Variants in CHST8 observed in about 807,000 individuals in gnomAD.
CHST8 encodes the protein carbohydrate sulfotransferase 8.
CHST8 carries 10 observed loss-of-function variants against 15.0 expected under a neutral mutation model. The ratio of observed to expected loss-of-function variants is 0.67; its 90% CI spans 0.41 to 1.13. The LOEUF (loss-of-function observed/expected upper bound fraction) is 1.13, where lower values mean the gene tolerates loss of function less well. CHST8 is among the 50% of genes most tolerant of loss of function. The probability of loss-of-function intolerance (pLI) is 0.00; values close to 1 mark genes in which losing one functional copy is unlikely to be tolerated. For synonymous variants in CHST8, 259 were observed against 256.6 expected (o/e 1.01, Z -0.09); for missense variants, 634 against 608.2 (o/e 1.04, Z -0.45).
In CHST8 at chr19:33,739,265, C is replaced by G. The variant is rs374872496; in HGVS notation, c.131-32148C>G. On this transcript the variant is annotated intron_variant, in intron 3 of 4. Coordinates refer to ENST00000650847, the MANE Select transcript of CHST8 (RefSeq NM_001127895.2). ...ATCATCCTCCGTTGACCTCTCTCCCCCCTCCTCCACAAGATGAAGTGTTAA... is the reference window on the plus strand; with the variant it reads ...ATCATCCTCCGTTGACCTCTCTCCCGCCTCCTCCACAAGATGAAGTGTTAA... Among the ~76,000 whole-genome samples, 10 of 152,254 alleles carry G rather than the reference C, an allele frequency of 6.6e-5. No homozygotes were observed. In the East Asian group the frequency reaches 1.7e-3, roughly 27 times the overall value.
At chr19:33,700,212 G>A (rs538307728) in intron 3 of CHST8, among the ~76,000 whole-genome samples, 2 of 152,318 alleles carry the variant, frequency 1.3e-5, no homozygotes, top group Non-Finnish European at 2.9e-5. Flanking sequence ...ATTTTCTAAC[G>A]GCATTGCGGA....
intron 3 of CHST8, among the ~76,000 whole-genome samples, chr19:33,764,497 C>G (rs935387911): frequency 1.3e-5 from 2 of 152,140 alleles, no homozygotes; most frequent in African/African-American, 4.8e-5. Flanking sequence ...AAGACTTTGT[C>G]TCTTCAAACA....
At chr19:33,635,416 C>T (rs771164914) in intron 1 of CHST8, among the ~76,000 whole-genome samples, 6 of 152,092 alleles carry the variant, frequency 3.9e-5, no homozygotes, top group Non-Finnish European at 7.4e-5. Context: ...GAGGCAGTTT[C>T]GTATACACAA....
chr19:33,623,413 G>C (rs763234349), intron 1 of CHST8, among the ~76,000 whole-genome samples: 8 of 152,212 alleles, frequency 5.3e-5, no homozygotes, highest in Non-Finnish European at 8.8e-5. Context: ...TGCTTGGCGC[G>C]ATCTGGCGCA....
In CHST8 at chr19:33,717,259, G is replaced by A. The variant is rs547070350; in HGVS notation, c.130+27868G>A. Reference sequence around the variant, plus strand: ...GCAGATCACCTGAGGTTGGGAGTTCGAGACCAGCCTGACCAATATGGTGAG... The same window carrying A: ...GCAGATCACCTGAGGTTGGGAGTTCAAGACCAGCCTGACCAATATGGTGAG... On this transcript the variant is annotated intron_variant, in intron 3 of 4. Coordinates refer to ENST00000650847, the MANE Select transcript of CHST8 (RefSeq NM_001127895.2). Among the ~76,000 whole-genome samples, 26 of 152,276 alleles carry A rather than the reference G, an allele frequency of 1.7e-4. 1 individual carries two copies. In the South Asian group the frequency reaches 4.6e-3, roughly 27 times the overall value.
At chr19:33,627,167 C>A (rs1283145367) in intron 1 of CHST8, among the ~76,000 whole-genome samples, 4 of 148,884 alleles carry the variant, frequency 2.7e-5, no homozygotes, top group African/African-American at 9.9e-5. Flanking sequence ...GTGGTGTGAT[C>A]TCGGCTCACT....
At chr19:33,765,254 G>A (rs1434066066) in intron 3 of CHST8, among the ~76,000 whole-genome samples, 2 of 151,984 alleles carry the variant, frequency 1.3e-5, no homozygotes, top group African/African-American at 2.4e-5. Flanking sequence ...CTGGGCTGTC[G>A]AAAGCTGGAA....
chr19:33,635,694 C>T (rs1430653802), intron 1 of CHST8, among the ~76,000 whole-genome samples: 1 of 152,092 alleles, frequency 6.6e-6, no homozygotes. Context: ...GCTTAGTTCC[C>T]CGGAGATACT....
intron 3 of CHST8, among the ~76,000 whole-genome samples, chr19:33,713,004 C>T (rs1973589301): frequency 6.6e-6 from 1 of 152,070 alleles, no homozygotes; most frequent in African/African-American, 2.4e-5. Context: ...ACCCATGTGG[C>T]CCTCGCCCCA....
At chr19:33,757,476 A>AAG (rs1974594968) in intron 3 of CHST8, among the ~76,000 whole-genome samples, 3 of 43,882 alleles carry the variant, frequency 6.8e-5, no homozygotes, top group Admixed American at 2.3e-4. Flanking sequence ...GAAAGAAAGA[A>AAG]AGAAAGAAAG....
intron 3 of CHST8, among the ~76,000 whole-genome samples, chr19:33,725,662 C>T (rs543995282): frequency 2.0e-5 from 3 of 152,360 alleles, no homozygotes; most frequent in South Asian, 2.1e-4. Flanking sequence ...CTGGTCCTCA[C>T]CACTGGGACT....
chr19:33,757,536 GAAAGAAAGAAA>G (rs1568358910), intron 3 of CHST8, among the ~76,000 whole-genome samples: 11 of 68,390 alleles, frequency 1.6e-4, no homozygotes, highest in Non-Finnish European at 2.3e-4. Flanking sequence ...AAGAAAGAAA[GAAAGAAAGAAA>G]GAAAGAAAGA....
chr19:33,728,784 C>T (rs1199067582), intron 3 of CHST8, among the ~76,000 whole-genome samples: 1 of 152,138 alleles, frequency 6.6e-6, no homozygotes, highest in Non-Finnish European at 1.5e-5. Context: ...TCTTCGAGCT[C>T]CCTGGGAGGC....
At chr19:33,669,341 C>A (rs1450242043) in intron 2 of CHST8, among the ~76,000 whole-genome samples, 4 of 152,196 alleles carry the variant, frequency 2.6e-5, no homozygotes, top group Non-Finnish European at 5.9e-5. Flanking sequence ...GAAAATGATA[C>A]TTGCAGCTCA....
chr19:33,702,099 C>T (rs1181186050), intron 3 of CHST8, among the ~76,000 whole-genome samples: 3 of 152,064 alleles, frequency 2.0e-5, no homozygotes, highest in East Asian at 1.9e-4. Flanking sequence ...CTCAGCCTCC[C>T]GAGTAGGTGG....
At chr19:33,657,232 T>TAC (rs1187789819) in intron 1 of CHST8, among the ~76,000 whole-genome samples, 3 of 150,032 alleles carry the variant, frequency 2.0e-5, no homozygotes, top group African/African-American at 7.4e-5. Context: ...CATATACACA[T>TAC]ACACACACAT....
At chr19:33,734,438 G>A (rs1231699837) in intron 3 of CHST8, among the ~76,000 whole-genome samples, 1 of 152,138 alleles carries the variant, frequency 6.6e-6, no homozygotes, top group Admixed American at 6.5e-5. Context: ...ATTATTTCTT[G>A]TGCAAGATCC....
chr19:33,712,272 C>T (rs753097592), intron 3 of CHST8, among the ~76,000 whole-genome samples: 39 of 152,160 alleles, frequency 2.6e-4, no homozygotes, highest in Non-Finnish European at 5.3e-4. Context: ...ATGGGGATGG[C>T]CAGCACTCAA....
intron 3 of CHST8, among the ~76,000 whole-genome samples, chr19:33,742,857 G>T (rs1974224437): frequency 6.6e-6 from 1 of 152,086 alleles, no homozygotes; most frequent in South Asian, 2.1e-4. Context: ...TGCACACTTT[G>T]GTTATGATGG....
Sources: allele counts gnomAD v4.1 joint callset (sites outside exome capture counted in the v4.1 genomes callset), GRCh38; gene constraint gnomAD v4.1.1; transcripts MANE v1.5; gene names NCBI Gene and HGNC (gene_info 2026-07-23, HGNC 2026-07-21).